The following BCL2 variants were observed in gnomAD, a reference collection of about 807,000 sequenced individuals.
The protein encoded by BCL2 is BCL2 apoptosis regulator, also known as apoptosis regulator Bcl-2.
In BCL2, 1 loss-of-function variant was observed where a neutral mutation model predicts 14.2. The ratio of observed to expected loss-of-function variants is 0.07; its 90% confidence interval spans 0.02 to 0.33. The LOEUF is 0.33. Among genes scored for constraint, BCL2 ranks in the 10% least tolerant of loss-of-function variants. BCL2 has a pLI of 0.99. For synonymous variants in BCL2, 151 were observed against 137.2 expected (o/e 1.10, Z -0.70); for missense variants, 247 against 305.9 (o/e 0.81, Z 1.44).
chr18:63,250,740 A>G (rs1383554510), intron 2 of BCL2, among the ~76,000 whole-genome samples: 4 of 150,516 alleles, frequency 2.7e-5, no homozygotes, highest in African/African-American at 9.7e-5. Context: ...AATTTCTGAA[A>G]CAAACATGTG....
chr18:63,233,618 TG>T (rs996696575), intron 2 of BCL2, among the ~76,000 whole-genome samples: 2 of 152,186 alleles, frequency 1.3e-5, no homozygotes, highest in African/African-American at 4.8e-5. Flanking sequence ...GTGGCTGATC[TG>T]ACAGGAGGTG....
chr18:63,254,406 A>AAAG (rs1405885871), intron 2 of BCL2, among the ~76,000 whole-genome samples: 2 of 149,798 alleles, frequency 1.3e-5, no homozygotes, highest in Non-Finnish European at 3.0e-5. Context: ...AAAAAAAAAA[A>AAAG]AAAGCTGGGT....
At chr18:63,134,284 T>C (rs1441927000) in intron 2 of BCL2, among the ~76,000 whole-genome samples, 1 of 152,226 alleles carries the variant, frequency 6.6e-6, no homozygotes, top group Non-Finnish European at 1.5e-5. Context: ...TGTTACATTC[T>C]AAGTGCTTAC....
chr18:63,234,693 G>T (rs7242542), intron 2 of BCL2, among the ~76,000 whole-genome samples: 20,309 of 152,134 alleles, frequency 0.13, 1,517 homozygotes, highest in East Asian at 0.17. Flanking sequence ...AAGCGCATGG[G>T]CTCTGGAATT....
At chr18:63,208,233 G>T (rs1365179745) in intron 2 of BCL2, 1 of 152,146 alleles carries the variant, frequency 6.6e-6, no homozygotes, top group Non-Finnish European at 1.5e-5. Context: ...ACAGATTTAA[G>T]AAATGCTGAC....
intron 2 of BCL2, among the ~76,000 whole-genome samples, chr18:63,261,771 C>T (rs888935620): frequency 3.9e-4 from 59 of 150,854 alleles, no homozygotes; most frequent in Non-Finnish European, 6.6e-4. Context: ...TACTAATTTT[C>T]TTTTTTGTTG....
At chr18:63,163,805 A>G (rs374264432) in intron 2 of BCL2, among the ~76,000 whole-genome samples, 3 of 152,340 alleles carry the variant, frequency 2.0e-5, no homozygotes, top group African/African-American at 7.2e-5. Flanking sequence ...GAGGAGATCA[A>G]AGTATTGGAG....
At chr18:63,310,547 G>T (rs1308100553) in intron 2 of BCL2, among the ~76,000 whole-genome samples, 1 of 152,024 alleles carries the variant, frequency 6.6e-6, no homozygotes, top group Non-Finnish European at 1.5e-5. Context: ...TCCTTGTCTT[G>T]GTCTCCTACT....
intron 2 of BCL2, among the ~76,000 whole-genome samples, chr18:63,143,075 T>A (rs1456140743): frequency 6.6e-6 from 1 of 152,216 alleles, no homozygotes. Context: ...ATGGACAAGA[T>A]ACGCTGGCGT....
At chr18:63,229,308 T>C (rs550245128) in intron 2 of BCL2, among the ~76,000 whole-genome samples, 31 of 152,316 alleles carry the variant, frequency 2.0e-4, no homozygotes, top group Admixed American at 1.9e-3. Context: ...GTCAAAAATA[T>C]GCAAGAAAAT....
At chr18:63,275,045 A>G (rs1363522200) in intron 2 of BCL2, among the ~76,000 whole-genome samples, 1 of 151,992 alleles carries the variant, frequency 6.6e-6, no homozygotes, top group African/African-American at 2.4e-5. Context: ...TTTGACCACT[A>G]TGGTATACAT....
intron 2 of BCL2, among the ~76,000 whole-genome samples, chr18:63,147,527 G>A (rs1914543634): frequency 6.6e-6 from 1 of 152,158 alleles, no homozygotes; most frequent in Non-Finnish European, 1.5e-5. Context: ...ATAGAAGCTA[G>A]GAATGTTCTT....
intron 2 of BCL2, among the ~76,000 whole-genome samples, chr18:63,182,812 G>A (rs746885259): frequency 6.6e-6 from 1 of 151,522 alleles, no homozygotes; most frequent in Non-Finnish European, 1.5e-5. Flanking sequence ...TTTTACAGAC[G>A]GTAAATAAAA....
At chr18:63,313,796 C>T (rs1172752322) in intron 2 of BCL2, 1 of 152,120 alleles carries the variant, frequency 6.6e-6, no homozygotes, top group Non-Finnish European at 1.5e-5. Context: ...GAAAAAACAA[C>T]AAGAATTTTG....
At chr18:63,311,758 T>C (rs1249811405) in intron 2 of BCL2, among the ~76,000 whole-genome samples, 2 of 152,228 alleles carry the variant, frequency 1.3e-5, no homozygotes, top group Admixed American at 6.5e-5. Flanking sequence ...ACAGTTAACC[T>C]GCTCATGGAA....
intron 2 of BCL2, among the ~76,000 whole-genome samples, chr18:63,305,710 C>T (rs1913106881): frequency 1.3e-5 from 2 of 152,072 alleles, no homozygotes; most frequent in Admixed American, 1.3e-4. Flanking sequence ...AGATTTATCA[C>T]ACGGTGAATT....
At chr18:63,294,597 G>A (rs1568261198) in intron 2 of BCL2, among the ~76,000 whole-genome samples, 1 of 151,970 alleles carries the variant, frequency 6.6e-6, no homozygotes, top group African/African-American at 2.4e-5. Context: ...TTGAACCCGG[G>A]AGGCTGAGGT....
intron 2 of BCL2, among the ~76,000 whole-genome samples, chr18:63,134,886 T>G (rs1359768029): frequency 6.6e-6 from 1 of 152,220 alleles, no homozygotes; most frequent in Non-Finnish European, 1.5e-5. Context: ...TTCATGAGTT[T>G]ATAATTTTGT....
Position 63,236,618 on chromosome 18 carries a change from A to G in BCL2, c.585+81464T>C, listed in dbSNP as rs186109034. ...ACAGAACTCGATAAAAAGGGAAGAA[A>G]CCAGACTGCTCCAGTCATCTGACGG... On this transcript the variant is annotated intron_variant, in intron 2 of 2. Coordinates refer to ENST00000333681, the MANE Select transcript of BCL2 (RefSeq NM_000633.3). Among the ~76,000 whole-genome samples the G allele has an allele frequency of 1.4e-4, 21 of 152,358 alleles. No homozygotes were observed. In the East Asian group the frequency reaches 3.7e-3, roughly 27 times the overall value.
Sources: gnomAD v4.1 joint callset for allele counts (sites outside exome capture counted in the v4.1 genomes callset) on GRCh38, gnomAD v4.1.1 for gene constraint, MANE v1.5 for transcripts, NCBI Gene and HGNC (gene_info 2026-07-23, HGNC 2026-07-21) for gene names.